The following DCAF8L2 variants were observed in gnomAD, a reference collection of about 807,000 sequenced individuals.
DCAF8L2 encodes DDB1- and CUL4-associated factor 8-like protein 2.
For synonymous variants in DCAF8L2, 200 were observed against 190.9 expected, an observed-to-expected ratio of 1.05 and a Z score of -0.39; for missense variants, 430 against 490.7, an observed-to-expected ratio of 0.88 and a Z score of 1.17.
intron 4 of DCAF8L2, among the ~76,000 whole-genome samples, chrX:27,726,744 A>T (rs1272400452): frequency 8.9e-6 from 1 of 112,137 alleles, no homozygotes; most frequent in Non-Finnish European, 1.9e-5. Context: ...TTTGTGCAGT[A>T]GCAGTCCTTG....
chrX:27,696,242 A>G (rs1012525850), intron 3 of DCAF8L2, among the ~76,000 whole-genome samples: 1 of 101,410 alleles, frequency 9.9e-6, no homozygotes, highest in Admixed American at 1.1e-4. Flanking sequence ...TGAAAGAAAG[A>G]AAGAAGGAAG....
the DCAF8L2 span, among the ~76,000 whole-genome samples, chrX:27,553,296 T>A: frequency 9.0e-6 from 1 of 111,613 alleles, no homozygotes; most frequent in East Asian, 2.8e-4. Flanking sequence ...TCAACTCTGA[T>A]GTTTTCTTGC....
intron 2 of DCAF8L2, among the ~76,000 whole-genome samples, chrX:27,636,527 C>A (rs890362500): frequency 9.0e-6 from 1 of 111,288 alleles, no homozygotes; most frequent in African/African-American, 3.3e-5. Context: ...GTGTGTATCC[C>A]CAGGATGTAA....
chrX:27,638,966 G>A (rs1437640411), intron 2 of DCAF8L2, among the ~76,000 whole-genome samples: 5 of 111,515 alleles, frequency 4.5e-5, no homozygotes, highest in Non-Finnish European at 9.4e-5. Flanking sequence ...GGAGAACCAA[G>A]TAAGTAAAAC....
chrX:27,482,573 C>A, the DCAF8L2 span, among the ~76,000 whole-genome samples: 1 of 111,273 alleles, frequency 9.0e-6, no homozygotes, highest in Admixed American at 9.6e-5. Context: ...AGATATTCAA[C>A]AACTTCCACA....
At chrX:27,581,680 T>A in the DCAF8L2 span, among the ~76,000 whole-genome samples, 1 of 107,378 alleles carries the variant, frequency 9.3e-6, no homozygotes, top group South Asian at 4.2e-4. Flanking sequence ...ACCTCCCGGG[T>A]TCAAGTGATT....
chrX:27,574,450 T>A, the DCAF8L2 span, among the ~76,000 whole-genome samples: 3 of 112,300 alleles, frequency 2.7e-5, no homozygotes, highest in African/African-American at 6.5e-5. Context: ...TAACATGTCT[T>A]CCTGTTACAT....
chrX:27,612,983 C>G (rs1278718371), intron 1 of DCAF8L2, among the ~76,000 whole-genome samples: 5 of 111,279 alleles, frequency 4.5e-5, no homozygotes, highest in African/African-American at 1.6e-4. Context: ...CCAATTTGGT[C>G]AAGAAAGTCA....
In DCAF8L2 at chrX:27,702,384, C is replaced by T. The variant is rs977729683; in HGVS notation, c.-142-13704C>T. Among the ~76,000 whole-genome samples, 14 of 86,408 alleles carry T rather than the reference C, an allele frequency of 1.6e-4. No individual in the cohort carries two copies. The South Asian group carries it at 5.3e-3, about 33-fold the overall frequency. The allele number at this position is 86,408 out of a possible 115,157, so 75.0% of individuals were successfully genotyped here. On this transcript the variant is annotated intron_variant, in intron 3 of 4. Coordinates refer to ENST00000451261, the MANE Select transcript of DCAF8L2 (RefSeq NM_001353450.2). Reference sequence around the variant, plus strand: ...GTCCAGTATTACCCCGATACAAATACCAGACAAAGATACCAACAAAAAAAA... The same window carrying T: ...GTCCAGTATTACCCCGATACAAATATCAGACAAAGATACCAACAAAAAAAA...
At chrX:27,587,985 A>AAAAAAAAAAAATATATATATAT, upstream of DCAF8L2, among the ~76,000 whole-genome samples, 1 of 22,371 alleles carries the variant, frequency 4.5e-5, no homozygotes, top group African/African-American at 9.8e-5. Context: ...TAAAAAAAAA[A>AAAAAAAAAAAATATATATATAT]ATATATATAT....
At chrX:27,527,663 C>T in the DCAF8L2 span, among the ~76,000 whole-genome samples, 27 of 109,862 alleles carry the variant, frequency 2.5e-4, no homozygotes, top group East Asian at 1.2e-3. Context: ...TTGGAACCTC[C>T]GGATTTTTTT....
chrX:27,494,296 C>G, the DCAF8L2 span, among the ~76,000 whole-genome samples: 1 of 111,149 alleles, frequency 9.0e-6, no homozygotes, highest in Non-Finnish European at 1.9e-5. Context: ...ATCCCAGCTA[C>G]TCAGGAGGCT....
In DCAF8L2 at chrX:27,748,884, A is replaced by G. The variant is rs1029506502; in HGVS notation, c.*93A>G. The stretch of plus-strand genomic sequence containing the variant: ...TTTAGAATTGTCAATAGATTAATAG[A>G]TTTGCTTTTTGTCTTCTATTTTCCA... On this transcript the variant is annotated 3_prime_UTR_variant, in exon 5 of 5. Transcript: ENST00000451261. 6.9e-6 allele frequency: 7 copies of G among 1,015,942 alleles called. No homozygotes were observed. The highest frequency in any genetic ancestry group is 7.8e-6 in the Non-Finnish European group (6 of 773,965). The allele number at this position is 1,015,942 out of a possible 1,213,427, so 83.7% of individuals were successfully genotyped here.
rs749007335 is a variant in DCAF8L2, at chrX:27,683,785, A to C, written c.-143+5873A>C. ...CACTCCCTTGCCTGGTGTAAGGATA[A>C]CTCAGACGTAACTTACTCTCCAGAG... On this transcript the variant is annotated intron_variant, in intron 3 of 4. Transcript: ENST00000451261. Among the ~76,000 whole-genome samples the C allele has an allele frequency of 2.7e-5, 3 of 111,807 alleles. No homozygotes were observed. In the South Asian group the frequency reaches 1.1e-3, roughly 42 times the overall value.
At chrX:27,522,665 A>C in the DCAF8L2 span, among the ~76,000 whole-genome samples, 4 of 112,224 alleles carry the variant, frequency 3.6e-5, no homozygotes, top group Non-Finnish European at 7.5e-5. Flanking sequence ...GAATTTGACA[A>C]ATCATACATC....
intron 3 of DCAF8L2, among the ~76,000 whole-genome samples, chrX:27,693,201 C>T (rs1930772959): frequency 9.0e-6 from 1 of 111,025 alleles, no homozygotes; most frequent in Non-Finnish European, 1.9e-5. Context: ...AATTAATGGA[C>T]ATTAAACTCC....
At chrX:27,728,720 T>A (rs1483540761) in intron 4 of DCAF8L2, among the ~76,000 whole-genome samples, 1 of 112,312 alleles carries the variant, frequency 8.9e-6, no homozygotes. Context: ...TATATCTCCA[T>A]GTGCCTTCCT....
intron 3 of DCAF8L2, among the ~76,000 whole-genome samples, chrX:27,681,204 TACACACAC>T (rs750698716): frequency 9.4e-5 from 10 of 106,726 alleles, no homozygotes; most frequent in African/African-American, 3.4e-4. Context: ...AGAAATTAAA[TACACACAC>T]ACACACACAC....
Position 27,748,771 on chromosome X carries a change from G to A in DCAF8L2, c.1876G>A (p.Val626Met). The change falls in exon 5 of 5, where the codon GTG becomes ATG. Residue 626 changes from valine to methionine, a missense_variant. Val to Met is a conservative substitution (Grantham distance 21). Coordinates refer to ENST00000451261, the MANE Select transcript of DCAF8L2 (RefSeq NM_001353450.2). ...ATCTGAGGAGGAGGTCCAAGACCGA[G>A]TGCAGTGCATGCCATCCTGAAGGCC... ...ETSEEEVQDR[V>M]QCMPS 6 of 1,203,145 alleles carry A rather than the reference G, an allele frequency of 5.0e-6. No individual in the cohort carries two copies. The African/African-American group carries it at 1.0e-4, about 21-fold the overall frequency.
Sources: allele counts gnomAD v4.1 joint callset (sites outside exome capture counted in the v4.1 genomes callset), GRCh38; gene constraint gnomAD v4.1.1; transcripts MANE v1.5; gene names NCBI Gene and HGNC (gene_info 2026-07-23, HGNC 2026-07-21).